Variants in PLXDC2 observed in about 807,000 individuals in gnomAD.
The protein encoded by PLXDC2 is plexin domain containing 2, also known as plexin domain-containing protein 2.
A neutral mutation model predicts 68.9 loss-of-function variants in PLXDC2; 40 were observed. That is an observed-to-expected ratio of 0.58 (90% CI 0.45 to 0.76). The LOEUF is 0.76. PLXDC2 is among the 30% of genes least tolerant of loss of function. The probability of loss-of-function intolerance (pLI) is 0.00; values close to 1 mark genes in which losing one functional copy is unlikely to be tolerated. For missense variants in PLXDC2, 644 were observed against 661.9 expected, an observed-to-expected ratio of 0.97 and a Z score of 0.30; for synonymous variants, 243 against 234.2, an observed-to-expected ratio of 1.04 and a Z score of -0.34.
intron 5 of PLXDC2, among the ~76,000 whole-genome samples, chr10:20,146,525 T>TCCCC (rs1564332402): frequency 7.0e-6 from 1 of 143,056 alleles, no homozygotes; most frequent in Non-Finnish European, 1.5e-5. Context: ...CCTTCCTCCC[T>TCCCC]CCCTCCCTCC....
chr10:19,929,867 A>T (rs1833597221), intron 1 of PLXDC2, among the ~76,000 whole-genome samples: 1 of 152,174 alleles, frequency 6.6e-6, no homozygotes, highest in South Asian at 2.1e-4. Context: ...AGTTCCAGAA[A>T]ATCACTTTGT....
intron 1 of PLXDC2, among the ~76,000 whole-genome samples, chr10:19,835,383 A>C (rs755248272): frequency 6.6e-6 from 1 of 152,204 alleles, no homozygotes; most frequent in Non-Finnish European, 1.5e-5. Flanking sequence ...TTCAGATAAG[A>C]GGAGGATAGC....
At chr10:20,056,488 C>A (rs551857728) in intron 3 of PLXDC2, among the ~76,000 whole-genome samples, 1 of 152,292 alleles carries the variant, frequency 6.6e-6, no homozygotes, top group South Asian at 2.1e-4. Context: ...TTAACCAACT[C>A]CTTTTACTGA....
chr10:20,177,584 G>A lies in PLXDC2; in HGVS notation c.1061+175G>A, dbSNP rs193176905. Among the ~76,000 whole-genome samples, 923 of 152,116 alleles carry A rather than the reference G, an allele frequency of 6.1e-3. 37 individuals are homozygous for A. Among genetic ancestry groups the A allele is most frequent in the Admixed American group, 0.055 (836 of 15,242 alleles). ...GTTCAAGATCAGCCTGGGCAACATA[G>A]CAAGAACCTGTTTCTACCAAAAAAG... On this transcript the variant is annotated intron_variant, in intron 9 of 13. Coordinates refer to ENST00000377252, the MANE Select transcript of PLXDC2 (RefSeq NM_032812.9).
chr10:20,075,284 G>A (rs920699582), intron 4 of PLXDC2, among the ~76,000 whole-genome samples: 1 of 152,072 alleles, frequency 6.6e-6, no homozygotes, highest in Non-Finnish European at 1.5e-5. Context: ...GACCTCCTAG[G>A]CTCAAGTGAT....
At chr10:20,060,671 C>T (rs1836086448) in intron 3 of PLXDC2, among the ~76,000 whole-genome samples, 1 of 151,714 alleles carries the variant, frequency 6.6e-6, no homozygotes, top group Non-Finnish European at 1.5e-5. Context: ...CTGTGCCTTT[C>T]TCAAATTTTC....
chr10:20,142,871 A>G (rs1834024990), intron 4 of PLXDC2, among the ~76,000 whole-genome samples: 1 of 152,024 alleles, frequency 6.6e-6, no homozygotes, highest in South Asian at 2.1e-4. Flanking sequence ...CTATGCTGAG[A>G]TGGTAGCTTA....
intron 1 of PLXDC2, among the ~76,000 whole-genome samples, chr10:19,999,146 T>G (rs1338493077): frequency 2.0e-5 from 3 of 152,208 alleles, no homozygotes; most frequent in Admixed American, 6.5e-5. Context: ...CCTCCAGTAT[T>G]AGGCATTCCG....
At chr10:19,937,509 A>G (rs1833743524) in intron 1 of PLXDC2, among the ~76,000 whole-genome samples, 2 of 144,670 alleles carry the variant, frequency 1.4e-5, no homozygotes, top group African/African-American at 5.1e-5. Context: ...ATAGGAACTT[A>G]ATGTTACTGG....
chr10:20,211,816 A>G (rs770954789), intron 10 of PLXDC2, 87 bp downstream of exon 10: 8 of 1,262,616 alleles, frequency 6.3e-6, no homozygotes, highest in African/African-American at 1.5e-5. Context: ...TTCAAAATTT[A>G]TGCCCTAAAA....
intron 1 of PLXDC2, among the ~76,000 whole-genome samples, chr10:19,997,253 C>A (rs1021122315): frequency 1.3e-5 from 2 of 152,186 alleles, no homozygotes; most frequent in Non-Finnish European, 2.9e-5. Context: ...TAACTATTTT[C>A]TATAGAATTT....
In PLXDC2 at chr10:20,105,048, C is replaced by CAAAAA. The variant is rs11289832; in HGVS notation, c.541+36828_541+36832dup. ...CCTGGCGACAGAGCTAGACTCCATC[C>CAAAAA]AAAAAAAAAAAAAAAAAAAAAAAGA... On this transcript the variant is annotated intron_variant, in intron 4 of 13. Coordinates refer to ENST00000377252, the MANE Select transcript of PLXDC2 (RefSeq NM_032812.9). Among the ~76,000 whole-genome samples, 14 of 97,268 alleles carry CAAAAA rather than the reference C, an allele frequency of 1.4e-4. No homozygotes were observed. In the East Asian group the frequency reaches 4.3e-3, roughly 30 times the overall value. The allele number at this position is 97,268 out of a possible 152,430, so 63.8% of individuals were successfully genotyped here.
At chr10:19,844,908 T>C (rs924714397) in intron 1 of PLXDC2, among the ~76,000 whole-genome samples, 16 of 152,204 alleles carry the variant, frequency 1.1e-4, no homozygotes, top group African/African-American at 3.4e-4. Context: ...ATGTCACTTA[T>C]GATGGCCAAA....
chr10:20,274,216 C>A (rs1835975812), intron 13 of PLXDC2, among the ~76,000 whole-genome samples: 1 of 152,112 alleles, frequency 6.6e-6, no homozygotes, highest in South Asian at 2.1e-4. Flanking sequence ...TATTTTTAGT[C>A]AGCTAGACTA....
intron 9 of PLXDC2, among the ~76,000 whole-genome samples, chr10:20,184,779 G>A (rs946617665): frequency 6.6e-6 from 1 of 151,886 alleles, no homozygotes; most frequent in Non-Finnish European, 1.5e-5. Flanking sequence ...GTCTCTATGT[G>A]CCCCTTTAAG....
intron 4 of PLXDC2, among the ~76,000 whole-genome samples, chr10:20,086,848 T>G: frequency 6.6e-6 from 1 of 152,140 alleles, no homozygotes; most frequent in East Asian, 1.9e-4. Context: ...TAATTGCCAA[T>G]CTGAATAACT....
chr10:20,054,634 A>T lies in PLXDC2; in HGVS notation c.471+7619A>T, dbSNP rs551323957. ...AACCAAACACCGCATGTTCTCACTC[A>T]TAGGTGGGAATTGAACAATGAGAAC... On this transcript the variant is annotated intron_variant, in intron 3 of 13. Transcript: ENST00000377252. Among the ~76,000 whole-genome samples, 3 of 152,204 alleles carry T rather than the reference A, an allele frequency of 2.0e-5. 1 individual carries two copies. In the South Asian group the frequency reaches 6.2e-4, roughly 32 times the overall value.
At chr10:20,246,078 G>A (rs941966340) in intron 13 of PLXDC2, among the ~76,000 whole-genome samples, 5 of 152,310 alleles carry the variant, frequency 3.3e-5, no homozygotes, top group South Asian at 4.1e-4. Context: ...GCAGAGAGAC[G>A]CATATCCACA....
intron 3 of PLXDC2, among the ~76,000 whole-genome samples, chr10:20,062,648 T>A (rs955187886): frequency 1.3e-5 from 2 of 152,096 alleles, no homozygotes; most frequent in African/African-American, 4.8e-5. Flanking sequence ...TGTTTTATGA[T>A]GAGTAAAGGA....
Sources: gnomAD v4.1 joint callset for allele counts (sites outside exome capture counted in the v4.1 genomes callset) on GRCh38, gnomAD v4.1.1 for gene constraint, MANE v1.5 for transcripts, NCBI Gene and HGNC (gene_info 2026-07-23, HGNC 2026-07-21) for gene names.